ITGA9: variants seen among roughly 807,000 people sequenced by gnomAD.
The protein encoded by ITGA9 is integrin alpha-9.
In ITGA9, 56 loss-of-function variants were observed where a neutral mutation model predicts 127.8. The ratio of observed to expected loss-of-function variants is 0.44; its 90% CI spans 0.35 to 0.55. ITGA9 has a LOEUF of 0.55. Among genes scored for constraint, ITGA9 ranks in the 20% least tolerant of loss-of-function variants. ITGA9 has a pLI of 0.00. For synonymous variants in ITGA9, 508 were observed against 514.5 expected, an observed-to-expected ratio of 0.99 and a Z score of 0.17; for missense variants, 1,196 against 1,347.1, an observed-to-expected ratio of 0.89 and a Z score of 1.76.
chr3:37,481,470 C>T lies in ITGA9; in HGVS notation c.421-14C>T, dbSNP rs748794477. On this transcript the variant is annotated splice_polypyrimidine_tract_variant and intron_variant, in intron 3 of 27. Transcript: ENST00000264741. ...GCCAACTTTCCTGCTCTCAACTGCT[C>T]TCTATCCCTTTAGGCCTGTGCTCAT... The T allele has an allele frequency of 8.7e-6, 14 of 1,614,080 alleles. No individual in the cohort carries two copies. Among genetic ancestry groups the T allele is most frequent in the Non-Finnish European group, 9.3e-6 (11 of 1,180,060 alleles).
chr3:37,467,758 GT>G (rs2125551206), intron 1 of ITGA9, among the ~76,000 whole-genome samples: 1 of 152,306 alleles, frequency 6.6e-6, no homozygotes, highest in Non-Finnish European at 1.5e-5. Flanking sequence ...TGGCCCTGGG[GT>G]TTTTGAGTGG....
chr3:37,748,849 C>G (rs1249661481), intron 22 of ITGA9: 39 of 1,204,844 alleles, frequency 3.2e-5, no homozygotes, highest in Non-Finnish European at 4.6e-5. Flanking sequence ...TTGTGAGAAC[C>G]AATGGGAAGG....
intron 4 of ITGA9, among the ~76,000 whole-genome samples, chr3:37,492,656 T>C (rs1259467408): frequency 6.6e-6 from 1 of 152,236 alleles, no homozygotes; most frequent in Admixed American, 6.5e-5. Context: ...CCTATTCATG[T>C]CAGAAATTTA....
At chr3:37,650,919 A>G (rs1259969174) in intron 16 of ITGA9, among the ~76,000 whole-genome samples, 1 of 152,206 alleles carries the variant, frequency 6.6e-6, no homozygotes, top group East Asian at 1.9e-4. Context: ...GACGAGTGCT[A>G]TTATTTTCAT....
At chr3:37,566,474 T>C (rs1699548301) in intron 15 of ITGA9, among the ~76,000 whole-genome samples, 3 of 152,230 alleles carry the variant, frequency 2.0e-5, no homozygotes, top group Admixed American at 2.0e-4. Context: ...TACATATACA[T>C]AGTACATTAT....
chr3:37,817,419 G>C (rs1038707390), intron 27 of ITGA9, among the ~76,000 whole-genome samples: 2 of 152,192 alleles, frequency 1.3e-5, no homozygotes, highest in Non-Finnish European at 2.9e-5. Flanking sequence ...TTGAGGGCAA[G>C]TCATTTATTT....
chr3:37,770,084 T>G (rs774088425), intron 23 of ITGA9, among the ~76,000 whole-genome samples: 2 of 152,166 alleles, frequency 1.3e-5, no homozygotes, highest in Non-Finnish European at 2.9e-5. Flanking sequence ...AGTTAAAGCT[T>G]ATCTGTCACA....
intron 15 of ITGA9, among the ~76,000 whole-genome samples, chr3:37,616,932 T>C (rs560558527): frequency 2.0e-5 from 3 of 152,378 alleles, no homozygotes; most frequent in East Asian, 3.9e-4. Flanking sequence ...TGCCAGTCTG[T>C]CTTTTAATTG....
chr3:37,796,254 A>T (rs1427577827), intron 26 of ITGA9, among the ~76,000 whole-genome samples: 1 of 151,646 alleles, frequency 6.6e-6, no homozygotes, highest in Non-Finnish European at 1.5e-5. Context: ...AACTCTGTTC[A>T]CTCCCATGCC....
At chr3:37,472,197 C>T (rs1698438032) in intron 2 of ITGA9, among the ~76,000 whole-genome samples, 1 of 152,156 alleles carries the variant, frequency 6.6e-6, no homozygotes, top group Non-Finnish European at 1.5e-5. Flanking sequence ...GCCTCAGTTC[C>T]CTCACCTTCA....
At chr3:37,484,355 G>A (rs919054550) in intron 4 of ITGA9, among the ~76,000 whole-genome samples, 3 of 152,198 alleles carry the variant, frequency 2.0e-5, no homozygotes, top group African/African-American at 7.2e-5. Context: ...GGGGCTGGGA[G>A]GATGCCGGCC....
chr3:37,586,907 A>G (rs1699764926), intron 15 of ITGA9, among the ~76,000 whole-genome samples: 1 of 152,044 alleles, frequency 6.6e-6, no homozygotes, highest in African/African-American at 2.4e-5. Context: ...CCAAATCCAC[A>G]CCCTTTCTTC....
In ITGA9 at chr3:37,453,025, A is replaced by C. The variant is rs546256561; in HGVS notation, c.185+466A>C. Among the ~76,000 whole-genome samples the C allele has an allele frequency of 5.3e-3, 800 of 151,802 alleles. 15 individuals carry two copies. Among genetic ancestry groups the C allele is most frequent in the Non-Finnish European group, 6.7e-3 (454 of 67,962 alleles). On this transcript the variant is annotated intron_variant, in intron 1 of 27. Coordinates refer to ENST00000264741, the MANE Select transcript of ITGA9 (RefSeq NM_002207.3). Reference sequence around the variant, plus strand: ...TGGGGAACCCCTGAGGAAGGAGTATAGCCTCTCCAGCGCCGCTGCGCGGGG... The same window carrying C: ...TGGGGAACCCCTGAGGAAGGAGTATCGCCTCTCCAGCGCCGCTGCGCGGGG...
chr3:37,625,495 A>T (rs938592320), intron 15 of ITGA9, among the ~76,000 whole-genome samples: 2 of 152,214 alleles, frequency 1.3e-5, no homozygotes, highest in Non-Finnish European at 2.9e-5. Flanking sequence ...AGACTCCCAT[A>T]GATTTTTAGC....
At chr3:37,713,050 G>T (rs928091388) in intron 18 of ITGA9, among the ~76,000 whole-genome samples, 2 of 152,170 alleles carry the variant, frequency 1.3e-5, no homozygotes, top group African/African-American at 4.8e-5. Flanking sequence ...CACCTTTCCA[G>T]TCCTTGGTCC....
chr3:37,614,785 A>G (rs539281516), intron 15 of ITGA9, among the ~76,000 whole-genome samples: 24 of 151,962 alleles, frequency 1.6e-4, no homozygotes, highest in African/African-American at 5.1e-4. Flanking sequence ...TTGGTGTATA[A>G]GAATGCTTGT....
intron 26 of ITGA9, among the ~76,000 whole-genome samples, chr3:37,791,280 C>T (rs1697106476): frequency 6.6e-6 from 1 of 152,204 alleles, no homozygotes; most frequent in Non-Finnish European, 1.5e-5. Context: ...TTGATATTTT[C>T]AAATAGCAGA....
chr3:37,481,528 C>T lies in ITGA9; in HGVS notation c.465C>T (p.His155=). ...AGAACATCTACTATGAAGCCGACCA[C>T]ATCCTACCCCATGGCTTCTGCTACA... ...RWKNIYYEAD[H]ILPHGFCYII... is the part of the protein sequence containing the mutation. The change falls in exon 4 of 28, where the codon CAC becomes CAT. Residue 155 remains histidine, a synonymous_variant. Transcript: ENST00000264741. The T allele has an allele frequency of 6.2e-7, 1 of 1,614,160 alleles. No individual in the cohort carries two copies. Among genetic ancestry groups the T allele is most frequent in the Non-Finnish European group, 8.5e-7 (1 of 1,179,982 alleles).
chr3:37,812,089 C>T, intron 27 of ITGA9, among the ~76,000 whole-genome samples: 1 of 152,010 alleles, frequency 6.6e-6, no homozygotes, highest in East Asian at 1.9e-4. Flanking sequence ...GCTTCTCCTC[C>T]AAAGAAAAAA....
Sources: allele counts gnomAD v4.1 joint callset (sites outside exome capture counted in the v4.1 genomes callset), GRCh38; gene constraint gnomAD v4.1.1; transcripts MANE v1.5; gene names NCBI Gene and HGNC (gene_info 2026-07-23, HGNC 2026-07-21).